The following EIF4G2 variants were observed in gnomAD, a reference collection of about 807,000 sequenced individuals.
EIF4G2 encodes DAP-5.
A neutral mutation model predicts 117.7 loss-of-function variants in EIF4G2; 8 were observed. That is an observed-to-expected ratio of 0.07 (90% confidence interval 0.04 to 0.12). The LOEUF (loss-of-function observed/expected upper bound fraction) is 0.12. Among genes scored for constraint, EIF4G2 ranks in the 10% least tolerant of loss-of-function variants. The pLI is 1.00. For synonymous variants in EIF4G2, 413 were observed against 367.8 expected (o/e 1.12, Z -1.41); for missense variants, 812 against 1,086.2 (o/e 0.75, Z 3.55).
Position 10,803,251 on chromosome 11 carries a change from A to G in EIF4G2, c.857T>C (p.Leu286Ser). The G allele has an allele frequency of 6.2e-7, 1 of 1,614,150 alleles. No individual in the cohort carries two copies. The highest frequency in any genetic ancestry group is 8.5e-7 in the Non-Finnish European group (1 of 1,180,016). ...AATCCTTGCTGGCAATTCCTTACTT[A>G]ACATCAAGGAGCACATTCGGGCAAA... Residue 286 changes from leucine to serine, a missense_variant, in exon 10 of 22, where the codon TTA becomes TCA. By Grantham distance (145) the Leu-to-Ser change is moderately radical. Coordinates refer to ENST00000339995, the MANE Select transcript of EIF4G2 (RefSeq NM_001418.4). The surrounding 1 kb of genome is among the most constrained non-coding windows in gnomAD (Gnocchi z 4.0).
intron 3 of EIF4G2, chr11:10,806,522 C>T (rs973205167): frequency 1.6e-5 from 6 of 382,364 alleles, no homozygotes; most frequent in East Asian, 4.8e-5. Context: ...ATGTTGAGTG[C>T]GTACTACTTT....
intron 1 of EIF4G2, chr11:10,808,479 G>C: frequency 7.2e-6 from 9 of 1,253,604 alleles, no homozygotes; most frequent in Non-Finnish European, 6.2e-6. Context: ...ATGACCGCAC[G>C]GCGGCCTGGC....
rs1036534315 is a variant in EIF4G2, at chr11:10,807,401, C to T, written c.-86-20G>A. On this transcript the variant is annotated intron_variant, in intron 1 of 21. Transcript: ENST00000339995. ...AAATACCTGGAACGAGAAAGAGCAC[C>T]AAAATTAGACACTGCTAACATACAG... 1.3e-6 allele frequency: 2 copies of T among 1,583,732 alleles called. No individual in the cohort carries two copies. Among genetic ancestry groups the T allele is most frequent in the African/African-American group, 2.7e-5 (2 of 73,604 alleles).
intron 1 of EIF4G2, chr11:10,808,094 G>C (rs1480825735): frequency 9.4e-7 from 1 of 1,058,214 alleles, no homozygotes; most frequent in Non-Finnish European, 1.2e-6. Flanking sequence ...TGTTCTCCAA[G>C]CAGGAAGGCG....
In EIF4G2 at chr11:10,801,707, T is replaced by C. The variant is rs972069289; in HGVS notation, c.1367A>G (p.Asp456Gly). 3.7e-6 allele frequency: 6 copies of C among 1,614,068 alleles called. No homozygotes were observed. The highest frequency in any genetic ancestry group is 5.1e-6 in the Non-Finnish European group (6 of 1,180,036). The stretch of plus-strand genomic sequence containing the variant: ...TTTCTTAGAAAACCGAGGTGGCATA[T>C]CCTTCGACTGTCCTTGCAGCTGGGA... Residue 456 changes from aspartate to glycine, a missense_variant, in exon 14 of 22, where the codon GAT becomes GGT. This residue lies in a region of EIF4G2 where 571 missense variants were observed against 642.3 expected (regional missense o/e 0.89). Coordinates refer to ENST00000339995, the MANE Select transcript of EIF4G2 (RefSeq NM_001418.4).
intron 15 of EIF4G2, 23 bp from the exon 16 acceptor site, chr11:10,800,858 CT>C (rs763598994): frequency 1.2e-6 from 2 of 1,612,202 alleles, no homozygotes; most frequent in South Asian, 1.1e-5. Flanking sequence ...CAATGACAGA[CT>C]TTTTTTAAAA....
rs1847503250 is a variant in EIF4G2 at position 10,804,403 on chromosome 11, G to A, written c.367C>T (p.Leu123=). The A allele has an allele frequency of 6.3e-7, 1 of 1,598,778 alleles. No individual in the cohort carries two copies. Among genetic ancestry groups the A allele is most frequent in the Non-Finnish European group, 8.5e-7 (1 of 1,172,956 alleles). Reference sequence around the variant, plus strand: ...AGTGAGCTATACTTTGGCTCTTCTAGGGCTTTGTCCACAATCTACAGAAAA... The same window carrying A: ...AGTGAGCTATACTTTGGCTCTTCTAAGGCTTTGTCCACAATCTACAGAAAA... The change falls in exon 6 of 22, where the codon CTA becomes TTA. Residue 123 remains leucine (L), a synonymous_variant. Transcript: ENST00000339995.
Position 10,807,387 on chromosome 11 carries a change from A to G in EIF4G2, c.-86-6T>C, listed in dbSNP as rs760907649. The stretch of plus-strand genomic sequence containing the variant: ...GGACAGGAGAAATGAAATACCTGGA[A>G]CGAGAAAGAGCACCAAAATTAGACA... On this transcript the variant is annotated splice_polypyrimidine_tract_variant and splice_region_variant and intron_variant, in intron 1 of 21. Coordinates refer to ENST00000339995, the MANE Select transcript of EIF4G2 (RefSeq NM_001418.4). 4 of 1,593,490 alleles carry G rather than the reference A, an allele frequency of 2.5e-6. No homozygotes were observed. In the South Asian group the frequency reaches 4.5e-5, roughly 18 times the overall value.
Position 10,801,731 on chromosome 11 carries a change from G to C in EIF4G2, c.1343C>G (p.Ser448Cys), listed in dbSNP as rs1847423475. 1 of 1,614,028 alleles carries C rather than the reference G, an allele frequency of 6.2e-7. No individual in the cohort carries two copies. Among genetic ancestry groups the C allele is most frequent in the African/African-American group, 1.3e-5 (1 of 74,930 alleles). The change falls in exon 14 of 22, where the codon TCC (serine) becomes TGC (cysteine). Residue 448 changes from serine to cysteine, a missense_variant. By Grantham distance (112) the Ser-to-Cys change is moderately radical. Coordinates refer to ENST00000339995, the MANE Select transcript of EIF4G2 (RefSeq NM_001418.4). The stretch of plus-strand genomic sequence containing the variant: ...ATCCTTCGACTGTCCTTGCAGCTGG[G>C]ATAAGAGTCCCTGACTCTGGTTATG...
chr11:10,800,234 A>C lies in EIF4G2; in HGVS notation c.1975T>G (p.Ser659Ala), dbSNP rs199918349. 6.2e-7 allele frequency: 1 copy of C among 1,614,192 alleles called. No individual in the cohort carries two copies. The highest frequency in any genetic ancestry group is 8.5e-7 in the Non-Finnish European group (1 of 1,180,032). The change falls in exon 18 of 22, where the codon TCA becomes GCA. Residue 659 changes from serine to alanine, a missense_variant. Physicochemically the swap from Ser to Ala is moderately conservative, Grantham distance 99 (BLOSUM62 1). This residue lies in a region of EIF4G2 where 571 missense variants were observed against 642.3 expected (regional missense o/e 0.89). Coordinates refer to ENST00000339995, the MANE Select transcript of EIF4G2 (RefSeq NM_001418.4). ...CTTTCTAGTGGTTGAGCTAGTTCTG[A>C]AATGCTCACCAGCTCTGAAATGATG... is the stretch of plus-strand genomic sequence containing the variant.
intron 21 of EIF4G2, chr11:10,798,754 A>G: frequency 5.0e-6 from 2 of 396,370 alleles, no homozygotes; most frequent in African/African-American, 2.1e-5. Flanking sequence ...CATGTATATA[A>G]GTAGCTATAC....
rs938735554 is a variant in EIF4G2, at chr11:10,808,842, C to T, written c.-224G>A. ...GGGGGAGGAAGGAGTCGGGGACGGC[C>T]TCAAACTCAGCTCAGAGGAGTCGCT... On this transcript the variant is annotated 5_prime_UTR_variant, in exon 1 of 22. Coordinates refer to ENST00000339995, the MANE Select transcript of EIF4G2 (RefSeq NM_001418.4). 2.9e-5 allele frequency: 5 copies of T among 173,238 alleles called. No homozygotes were observed. The highest frequency in any genetic ancestry group is 4.8e-5 in the African/African-American group (2 of 41,496). 10.7% of individuals were successfully genotyped at this position (173,238 alleles called of 1,614,324 possible). A position where few individuals can be genotyped will look rare whatever the true frequency, so the allele number is the denominator to read the frequency against.
Position 10,799,444 on chromosome 11 carries a change from G to T in EIF4G2, c.2325-20C>A. The stretch of plus-strand genomic sequence containing the variant: ...AAGAAGCTGGACAGAAAGAGGTCTT[G>T]TTAGAACCCAACAGTGAGTTTTCTT... On this transcript the variant is annotated intron_variant, in intron 19 of 21. Transcript: ENST00000339995. 1.9e-6 allele frequency: 3 copies of T among 1,611,424 alleles called. No individual in the cohort carries two copies. Among genetic ancestry groups the T allele is most frequent in the Non-Finnish European group, 2.5e-6 (3 of 1,179,602 alleles).
At position 10,799,224 on chromosome 11, in the gene EIF4G2, T is replaced by G; in HGVS notation, c.2525A>C (p.Asn842Thr). The G allele has an allele frequency of 6.2e-7, 1 of 1,614,024 alleles. No homozygotes were observed. The highest frequency in any genetic ancestry group is 8.5e-7 in the Non-Finnish European group (1 of 1,180,002). ...ACAAGTCCTCTCACCTTTTGGGAAG[T>G]TGCTGTTATAGCAGTGCACCTGGAG... The change falls in exon 20 of 22, where the codon AAC (asparagine) becomes ACC (threonine). Residue 842 changes from asparagine (N) to threonine (T), a missense_variant. By Grantham distance (65) the Asn-to-Thr change is moderately conservative. Coordinates refer to ENST00000339995, the MANE Select transcript of EIF4G2 (RefSeq NM_001418.4).
chr11:10,802,387 C>A lies in EIF4G2; in HGVS notation c.1045G>T (p.Asp349Tyr). The A allele has an allele frequency of 6.2e-7, 1 of 1,613,744 alleles. No individual in the cohort carries two copies. The highest frequency in any genetic ancestry group is 1.1e-5 in the South Asian group (1 of 90,980). The change falls in exon 12 of 22, where the codon GAC becomes TAC. Residue 349 changes from aspartate (D) to tyrosine (Y), a missense_variant. Coordinates refer to ENST00000339995, the MANE Select transcript of EIF4G2 (RefSeq NM_001418.4). ...ATGAACGGTCCCTCCAGAAAGAAGT[C>A]ACTTCTCATCCCTTGAGCCATAGGA...
intron 18 of EIF4G2, 155 bp from the exon 19 acceptor site, chr11:10,799,911 G>A (rs992183126): frequency 4.4e-5 from 51 of 1,146,730 alleles, no homozygotes; most frequent in African/African-American, 1.1e-4. Flanking sequence ...CTCAACATAC[G>A]GATCAAATGA....
At chr11:10,806,363 G>C (rs983910518) in intron 3 of EIF4G2, 1 of 376,904 alleles carries the variant, frequency 2.7e-6, no homozygotes, top group Non-Finnish European at 4.9e-6. Flanking sequence ...TTTTTTAAGA[G>C]ATGGGGTCTT....
At chr11:10,805,240 C>G (rs1005131181) in intron 4 of EIF4G2, among the ~76,000 whole-genome samples, 1 of 152,084 alleles carries the variant, frequency 6.6e-6, no homozygotes, top group African/African-American at 2.4e-5. Context: ...GACAAGAATC[C>G]TTTCTCACTT....
chr11:10,803,057 G>A lies in EIF4G2; in HGVS notation c.969C>T (p.Ile323=). 2.5e-6 allele frequency: 4 copies of A among 1,610,194 alleles called. No homozygotes were observed. Among genetic ancestry groups the A allele is most frequent in the Non-Finnish European group, 3.4e-6 (4 of 1,178,176 alleles). Reference sequence around the variant, plus strand: ...TTACTGCATCTTGACGAATTTGATTGATCGTCTTTGGTCCATTGTCAAGAA... The same window carrying A: ...TTACTGCATCTTGACGAATTTGATTAATCGTCTTTGGTCCATTGTCAAGAA... The change falls in exon 11 of 22, where the codon ATC becomes ATT. Residue 323 remains isoleucine (I), a synonymous_variant. Coordinates refer to ENST00000339995, the MANE Select transcript of EIF4G2 (RefSeq NM_001418.4). The surrounding 1 kb of genome is among the most constrained non-coding windows in gnomAD (Gnocchi z 4.0).
Sources: allele counts gnomAD v4.1 joint callset (sites outside exome capture counted in the v4.1 genomes callset), GRCh38; gene constraint gnomAD v4.1.1; regional missense constraint gnomAD v4.1.1; non-coding constraint Gnocchi (gnomAD v3.1); transcripts MANE v1.5; gene names NCBI Gene and HGNC (gene_info 2026-07-23, HGNC 2026-07-21).